Variants in SETD5 observed in about 807,000 individuals in gnomAD.
The protein encoded by SETD5 is histone-lysine N-methyltransferase SETD5.
A neutral mutation model predicts 153.3 loss-of-function variants in SETD5; 44 were observed. The ratio of observed to expected loss-of-function variants is 0.29; its 90% CI spans 0.23 to 0.37. The LOEUF (loss-of-function observed/expected upper bound fraction) is 0.37. SETD5 is among the 10% of genes least tolerant of loss of function. The pLI is 1.00. For missense variants in SETD5, 1,544 were observed against 1,768.0 expected, an observed-to-expected ratio of 0.87 and a Z score of 2.27; for synonymous variants, 716 against 645.2, an observed-to-expected ratio of 1.11 and a Z score of -1.66.
In SETD5 at chr3:9,477,666, C is replaced by T. The variant is rs1244437276; in HGVS notation, c.*1575C>T. 6.7e-6 allele frequency: 1 copy of T among 149,822 alleles called. No individual in the cohort carries two copies. The highest frequency in any genetic ancestry group is 2.1e-4 in the South Asian group (1 of 4,714). 9.3% of individuals were successfully genotyped at this position (149,822 alleles called of 1,614,324 possible). The stretch of plus-strand genomic sequence containing the variant: ...TCAAAATCGAAATCAGGTGTTTGCT[C>T]AAATGAGGGGAGATTTTTTTTTTTT... On this transcript the variant is annotated 3_prime_UTR_variant, in exon 23 of 23. Coordinates refer to ENST00000402198, the MANE Select transcript of SETD5 (RefSeq NM_001080517.3).
At chr3:9,472,334 A>G (rs2045396385) in intron 19 of SETD5, among the ~76,000 whole-genome samples, 1 of 150,994 alleles carries the variant, frequency 6.6e-6, no homozygotes, top group African/African-American at 2.4e-5. Flanking sequence ...CAATCAAGGC[A>G]TGGTAATAGG....
chr3:9,450,584 A>C (rs1306312584), intron 16 of SETD5, among the ~76,000 whole-genome samples: 1 of 152,196 alleles, frequency 6.6e-6, no homozygotes, highest in East Asian at 1.9e-4. Flanking sequence ...TCTTCTTCTA[A>C]TATCTCCTAA....
chr3:9,407,282 C>G (rs960113545), intron 1 of SETD5, among the ~76,000 whole-genome samples: 6 of 152,042 alleles, frequency 3.9e-5, no homozygotes, highest in African/African-American at 1.5e-4. Context: ...GAGCCAAGAT[C>G]GTGCCACTGC....
At chr3:9,399,038 A>G (rs1403099833) in intron 1 of SETD5, among the ~76,000 whole-genome samples, 1 of 152,112 alleles carries the variant, frequency 6.6e-6, no homozygotes, top group African/African-American at 2.4e-5. Flanking sequence ...GGCTTTGTCT[A>G]TATTTAAGTT....
rs2040330331 is a variant in SETD5 at position 9,434,441 on chromosome 3, T to C, written c.285T>C (p.Cys95=). The C allele has an allele frequency of 1.2e-6, 2 of 1,613,974 alleles. No individual in the cohort carries two copies. The highest frequency in any genetic ancestry group is 1.6e-4 in the Middle Eastern group (1 of 6,062). ...EGETVPTWCP[C]GLSQDGFLLN... ...AAACTGTACCTACCTGGTGTCCTTG[T>C]GGTCTTTCTCAGGATGGCTTCCTTC... Residue 95 remains cysteine, a synonymous_variant, in exon 5 of 23, where the codon TGT becomes TGC. Coordinates refer to ENST00000402198, the MANE Select transcript of SETD5 (RefSeq NM_001080517.3). The surrounding 1 kb of genome is among the most constrained non-coding windows in gnomAD (Gnocchi z 5.6).
intron 18 of SETD5, among the ~76,000 whole-genome samples, chr3:9,466,416 GTGGTTT>G (rs2044591716): frequency 6.6e-6 from 1 of 151,714 alleles, no homozygotes; most frequent in African/African-American, 2.4e-5. Flanking sequence ...CAAATATAAA[GTGGTTT>G]TGGTTTTGTT....
chr3:9,416,709 C>T (rs1308782695), intron 1 of SETD5, among the ~76,000 whole-genome samples: 17 of 152,020 alleles, frequency 1.1e-4, no homozygotes, highest in Admixed American at 1.1e-3. Context: ...TAAACATGCC[C>T]CTCTTATGTA....
rs995772279 is a variant in SETD5 at position 9,417,253 on chromosome 3, C to T, written c.-176-7214C>T. Among the ~76,000 whole-genome samples, 10 of 152,028 alleles carry T rather than the reference C, an allele frequency of 6.6e-5. 1 individual carries two copies. Among genetic ancestry groups the T allele is most frequent in the African/African-American group, 1.2e-4 (5 of 41,394 alleles). ...ATGCTACCTTGAAATCATAGGGAGG[C>T]GACTGATGTGGTTTGCTAAAAGTCT... On this transcript the variant is annotated intron_variant, in intron 1 of 22. Coordinates refer to ENST00000402198, the MANE Select transcript of SETD5 (RefSeq NM_001080517.3).
intron 1 of SETD5, among the ~76,000 whole-genome samples, chr3:9,406,381 C>G (rs556586653): frequency 6.6e-6 from 1 of 152,240 alleles, no homozygotes; most frequent in Non-Finnish European, 1.5e-5. Flanking sequence ...ATGGTACAAA[C>G]TACTATGCCC....
chr3:9,437,980 G>A (rs1344626175), intron 7 of SETD5, among the ~76,000 whole-genome samples: 4 of 150,418 alleles, frequency 2.7e-5, no homozygotes, highest in Non-Finnish European at 4.4e-5. Flanking sequence ...TCCAGCCTGG[G>A]CAACAGAGCA....
In SETD5 at chr3:9,435,846, C is replaced by T. The variant is rs2040502135; in HGVS notation, c.507C>T (p.Pro169=). 8 of 1,600,298 alleles carry T rather than the reference C, an allele frequency of 5.0e-6. No individual in the cohort carries two copies. Among genetic ancestry groups the T allele is most frequent in the Non-Finnish European group, 6.8e-6 (8 of 1,173,130 alleles). Residue 169 remains proline, a synonymous_variant, in exon 7 of 23, where the codon CCC becomes CCT. Coordinates refer to ENST00000402198, the MANE Select transcript of SETD5 (RefSeq NM_001080517.3). ...SITLTVRRTK[P]KKRKKSPEKG... is the part of the protein sequence containing the mutation. ...CCTTAACTGTTAGAAGAACCAAACC[C>T]AAGAAGCGGAAAAAGAGTCCAGAAA...
chr3:9,434,475 G>T lies in SETD5; in HGVS notation c.319G>T (p.Asp107Tyr). 1 of 1,613,966 alleles carries T rather than the reference G, an allele frequency of 6.2e-7. No individual in the cohort carries two copies. Among genetic ancestry groups the T allele is most frequent in the Non-Finnish European group, 8.5e-7 (1 of 1,179,880 alleles). Residue 107 changes from aspartate to tyrosine, a missense_variant, in exon 5 of 23, where the codon GAC (aspartate) becomes TAC (tyrosine). Asp to Tyr is a radical substitution (Grantham distance 160). Transcript: ENST00000402198. This position sits in a 1 kb window ranked among gnomAD's most constrained non-coding sequence, Gnocchi z 5.6. The part of the protein sequence containing the change: ...LSQDGFLLNC[D>Y]KCRGMSRGKV... ...TCAGGATGGCTTCCTTCTCAACTGTGACAAGTGCAGGTAAGATCCTGTTCC... is the reference window on the plus strand; with the variant it reads ...TCAGGATGGCTTCCTTCTCAACTGTTACAAGTGCAGGTAAGATCCTGTTCC...
intron 6 of SETD5, 47 bp from the exon 7 acceptor site, chr3:9,435,681 A>G (rs369772258): frequency 1.6e-4 from 229 of 1,469,912 alleles, no homozygotes; most frequent in Non-Finnish European, 2.0e-4. Context: ...CTTTTAATGT[A>G]CTTTTGAGGC....
intron 17 of SETD5, among the ~76,000 whole-genome samples, chr3:9,454,639 A>C (rs867232448): frequency 8.2e-4 from 121 of 147,764 alleles, no homozygotes; most frequent in African/African-American, 2.8e-3. Flanking sequence ...AAAAAAAAAA[A>C]AAAAAAAAAA....
chr3:9,413,277 CAGATTCTGG>C (rs1260492217), intron 1 of SETD5, among the ~76,000 whole-genome samples: 6 of 152,100 alleles, frequency 3.9e-5, no homozygotes, highest in African/African-American at 1.4e-4. Context: ...GAAGTCTATA[CAGATTCTGG>C]AGAGCATTCC....
rs2041508324 is a variant in SETD5 at position 9,443,108 on chromosome 3, A to G, written c.1078-200A>G. 6.6e-5 allele frequency: 31 copies of G among 469,394 alleles called. No individual in the cohort carries two copies. The South Asian group carries it at 7.2e-4, about 11-fold the overall frequency. 29.1% of individuals were successfully genotyped at this position (469,394 alleles called of 1,614,324 possible). ...ATCTCAAGGTTTCTCCACATATTTA[A>G]GAAAGTATTATAAATTTTCAAGCCA... On this transcript the variant is annotated intron_variant, in intron 10 of 22. Coordinates refer to ENST00000402198, the MANE Select transcript of SETD5 (RefSeq NM_001080517.3).
chr3:9,447,074 G>A lies in SETD5; in HGVS notation c.1549G>A (p.Ala517Thr). 1 of 1,613,146 alleles carries A rather than the reference G, an allele frequency of 6.2e-7. No individual in the cohort carries two copies. The highest frequency in any genetic ancestry group is 8.5e-7 in the Non-Finnish European group (1 of 1,179,474). ...GACCAGGGAAGATAGAAAGGTAGAA[G>A]CCATCATGCATGCTTTTGAAAACTT... ...RRTREDRKVE[A>T]IMHAFENLEK... Residue 517 changes from alanine to threonine, a missense_variant, in exon 14 of 23, where the codon GCC (alanine) becomes ACC (threonine). Coordinates refer to ENST00000402198, the MANE Select transcript of SETD5 (RefSeq NM_001080517.3).
At chr3:9,411,441 T>C (rs2036557608) in intron 1 of SETD5, among the ~76,000 whole-genome samples, 2 of 152,212 alleles carry the variant, frequency 1.3e-5, no homozygotes. Flanking sequence ...AGTTATCACA[T>C]TTCAGCAATA....
intron 1 of SETD5, among the ~76,000 whole-genome samples, chr3:9,418,004 G>A (rs1376543043): frequency 2.0e-5 from 3 of 148,438 alleles, no homozygotes; most frequent in Admixed American, 6.7e-5. Context: ...GCAGTGGCGC[G>A]ATCTCGGCTC....
Sources: gnomAD v4.1 joint callset for allele counts (sites outside exome capture counted in the v4.1 genomes callset) on GRCh38, gnomAD v4.1.1 for gene constraint, Gnocchi (gnomAD v3.1) non-coding constraint, MANE v1.5 for transcripts, NCBI Gene and HGNC (gene_info 2026-07-23, HGNC 2026-07-21) for gene names.